The following PLSCR2 variants were observed in gnomAD, a reference collection of about 807,000 sequenced individuals.
PLSCR2 encodes phospholipid scramblase 2.
Under a neutral mutation model 25.3 loss-of-function variants are expected in PLSCR2, and 18 were observed. The ratio of observed to expected loss-of-function variants is 0.71; its 90% CI spans 0.49 to 1.06. The LOEUF (loss-of-function observed/expected upper bound fraction) is 1.06. PLSCR2 is among the 50% of genes least tolerant of loss of function. The pLI is 0.00. For missense variants in PLSCR2, 243 were observed against 269.5 expected (o/e 0.90, Z 0.69); for synonymous variants, 88 against 87.3 (o/e 1.01, Z -0.04).
At chr3:146,407,413 G>A (rs189898059) in intron 2 of PLSCR2, among the ~76,000 whole-genome samples, 1 of 152,296 alleles carries the variant, frequency 6.6e-6, no homozygotes, top group African/African-American at 2.4e-5. Context: ...GAAGGTATTT[G>A]TACCTAGCCC....
chr3:146,460,259 T>A (rs1434878647), exon 1 of PLSCR2: 8 of 1,356,908 alleles, frequency 5.9e-6, no homozygotes, highest in Non-Finnish European at 7.6e-6. Context: ...TGGTTTCACA[T>A]TCACTTCTAT....
At chr3:146,480,298 T>G (rs555106676) in intron 1 of PLSCR2, among the ~76,000 whole-genome samples, 1 of 151,912 alleles carries the variant, frequency 6.6e-6, no homozygotes, top group East Asian at 1.9e-4. Context: ...GAATCCAGGA[T>G]CTGGCTTTGT....
chr3:146,412,598 GA>G (rs1380105415), intron 2 of PLSCR2, among the ~76,000 whole-genome samples: 9 of 152,118 alleles, frequency 5.9e-5, no homozygotes, highest in Non-Finnish European at 1.0e-4. Context: ...TGCCACAAAC[GA>G]AATAGCACTT....
intron 1 of PLSCR2, among the ~76,000 whole-genome samples, chr3:146,481,148 G>C (rs899610511): frequency 4.6e-5 from 7 of 152,024 alleles, no homozygotes; most frequent in African/African-American, 1.7e-4. Context: ...CAAAAACTGG[G>C]AGCATTCCCT....
chr3:146,410,112 G>A (rs958527219), intron 2 of PLSCR2, among the ~76,000 whole-genome samples: 1 of 151,688 alleles, frequency 6.6e-6, no homozygotes, highest in African/African-American at 2.4e-5. Context: ...AGGGTTCAAG[G>A]AGTGAGAGCA....
At chr3:146,436,979 C>G, downstream of PLSCR2, among the ~76,000 whole-genome samples, 1 of 152,090 alleles carries the variant, frequency 6.6e-6, no homozygotes, top group South Asian at 2.1e-4. Context: ...GACTTTTTAG[C>G]ATGAAGCACT....
At chr3:146,426,336 G>T (rs553758263) in intron 2 of PLSCR2, among the ~76,000 whole-genome samples, 1 of 146,132 alleles carries the variant, frequency 6.8e-6, no homozygotes, top group Non-Finnish European at 1.5e-5. Flanking sequence ...CATCAAAATC[G>T]TATATGAAAA....
chr3:146,492,730 G>A (rs1040410279), intron 1 of PLSCR2, among the ~76,000 whole-genome samples: 1 of 151,578 alleles, frequency 6.6e-6, no homozygotes, highest in Non-Finnish European at 1.5e-5. Context: ...CATCACACCT[G>A]GAGGAATTTT....
intron 1 of PLSCR2, among the ~76,000 whole-genome samples, chr3:146,481,823 C>G (rs1269170998): frequency 1.3e-5 from 2 of 152,178 alleles, no homozygotes; most frequent in Non-Finnish European, 2.9e-5. Flanking sequence ...TACCTGACTT[C>G]AAATTATACT....
chr3:146,475,889 C>T lies in PLSCR2; in HGVS notation c.-292-15605G>A, dbSNP rs577549596. On this transcript the variant is annotated intron_variant, in intron 1 of 8. Transcript: ENST00000336685. The stretch of plus-strand genomic sequence containing the variant: ...TTCTGGGTATGTGCACAGTTCTGTA[C>T]GTGCACATTTCCTTCTAAATTTTCA... Among the ~76,000 whole-genome samples, 4 of 152,158 alleles carry T rather than the reference C, an allele frequency of 2.6e-5. No individual in the cohort carries two copies. The East Asian group carries it at 7.8e-4, about 29-fold the overall frequency.
intron 3 of PLSCR2, among the ~76,000 whole-genome samples, chr3:146,393,799 A>G (rs1218899040): frequency 2.4e-5 from 2 of 83,464 alleles, no homozygotes; most frequent in Non-Finnish European, 4.9e-5. Flanking sequence ...GGCGACAGAG[A>G]CTCCGTCTCA....
intron 2 of PLSCR2, among the ~76,000 whole-genome samples, chr3:146,409,581 G>T (rs995652557): frequency 6.6e-6 from 1 of 152,068 alleles, no homozygotes; most frequent in Non-Finnish European, 1.5e-5. Context: ...ACTATTGTAG[G>T]ATTCAATGAC....
rs146915107 is a variant in PLSCR2 at position 146,449,387 on chromosome 3, A to C, written c.484-20T>G. On this transcript the variant is annotated intron_variant, in intron 5 of 6. Coordinates refer to ENST00000610787, the Ensembl canonical transcript of PLSCR2. Reference sequence around the variant, plus strand: ...TGTAATCTAAATTGCAAAAAAAAAAAAAACTTAAAAATTTCTAGAAAACTT... The same window carrying C: ...TGTAATCTAAATTGCAAAAAAAAAACAAACTTAAAAATTTCTAGAAAACTT... 0.036 allele frequency: 55,149 copies of C among 1,540,018 alleles called. 1,002 individuals carry two copies. Among genetic ancestry groups the C allele is most frequent in the Non-Finnish European group, 0.041 (47,256 of 1,141,990 alleles).
intron 1 of PLSCR2, among the ~76,000 whole-genome samples, chr3:146,483,493 A>ATATATATATATATACATGTG: frequency 8.4e-6 from 1 of 118,816 alleles, no homozygotes; most frequent in African/African-American, 3.2e-5. Flanking sequence ...ATATATATAT[A>ATATATATATATATACATGTG]TATATATATA....
At chr3:146,460,791 G>A (rs573460015), upstream of PLSCR2, among the ~76,000 whole-genome samples, 1 of 152,242 alleles carries the variant, frequency 6.6e-6, no homozygotes, top group African/African-American at 2.4e-5. Context: ...AAATCATGTC[G>A]TCCCTCCTAG....
chr3:146,398,045 C>T (rs1282820541), intron 2 of PLSCR2, among the ~76,000 whole-genome samples: 1 of 151,820 alleles, frequency 6.6e-6, no homozygotes. Context: ...AACAAACAAA[C>T]ATGTTTTAGA....
At chr3:146,493,700 T>C (rs1369536317) in intron 1 of PLSCR2, among the ~76,000 whole-genome samples, 1 of 151,720 alleles carries the variant, frequency 6.6e-6, no homozygotes, top group Non-Finnish European at 1.5e-5. Context: ...AGTAATTTTA[T>C]TAGGCAATAT....
chr3:146,481,828 T>A (rs1265035074), intron 1 of PLSCR2, among the ~76,000 whole-genome samples: 1 of 152,164 alleles, frequency 6.6e-6, no homozygotes, highest in Non-Finnish European at 1.5e-5. Context: ...GACTTCAAAT[T>A]ATACTACAAG....
At chr3:146,447,815 C>A (rs977648975) in intron 6 of PLSCR2, among the ~76,000 whole-genome samples, 9 of 152,152 alleles carry the variant, frequency 5.9e-5, no homozygotes, top group Non-Finnish European at 1.3e-4. Context: ...TTATTTAGAA[C>A]CCCAGAGCAC....
Sources: allele counts gnomAD v4.1 joint callset (sites outside exome capture counted in the v4.1 genomes callset), GRCh38; gene constraint gnomAD v4.1.1; transcripts MANE v1.5; gene names NCBI Gene and HGNC (gene_info 2026-07-23, HGNC 2026-07-21).